Variants in DPYD observed in about 807,000 individuals in gnomAD.
DPYD encodes dihydropyrimidine dehydrogenase [NADP(+)].
Under a neutral mutation model 116.2 loss-of-function variants are expected in DPYD, and 109 were observed. That is an observed-to-expected ratio of 0.94 (90% CI 0.80 to 1.10). The LOEUF (loss-of-function observed/expected upper bound fraction) is 1.10. Ranked by LOEUF, DPYD falls within the 50% of genes least tolerant of loss-of-function variation. The pLI is 0.00. For missense variants in DPYD, 1,302 were observed against 1,254.5 expected (o/e 1.04, Z -0.57); for synonymous variants, 440 against 432.0 (o/e 1.02, Z -0.23).
rs780469489 is a variant in DPYD, at chr1:97,573,788, G to A, written c.1311C>T (p.Ala437=). 3.1e-6 allele frequency: 5 copies of A among 1,613,406 alleles called. No individual in the cohort carries two copies. The highest frequency in any genetic ancestry group is 2.7e-5 in the African/African-American group (2 of 74,866). The change falls in exon 11 of 23, where the codon GCC becomes GCT. Residue 437 remains alanine (A), a synonymous_variant. Transcript: ENST00000370192. ...VHLKADVVIS[A]FGSVLSDPKV... is the part of the protein sequence containing the mutation. ...TAGGATCACTCAGAACTGAACCAAA[G>A]GCACTGATGACCACATCGGCTTTCA...
intron 2 of DPYD, among the ~76,000 whole-genome samples, chr1:97,836,433 G>A (rs1669775914): frequency 6.6e-6 from 1 of 152,028 alleles, no homozygotes; most frequent in Non-Finnish European, 1.5e-5. Context: ...CTATTTAGAT[G>A]GTATGGCTGT....
intron 3 of DPYD, among the ~76,000 whole-genome samples, chr1:97,764,309 T>C (rs907820610): frequency 6.6e-6 from 1 of 152,066 alleles, no homozygotes; most frequent in African/African-American, 2.4e-5. Context: ...AAATATAGTA[T>C]AAGGTAAAAT....
intron 2 of DPYD, among the ~76,000 whole-genome samples, chr1:97,828,967 T>C (rs978962289): frequency 2.4e-4 from 37 of 152,012 alleles, no homozygotes; most frequent in Middle Eastern, 3.4e-3. Context: ...ATTCTAAATA[T>C]AATTATACGT....
rs375326998 is a variant in DPYD, at chr1:97,675,455, T to C, written c.850+3640A>G. Among the ~76,000 whole-genome samples the C allele has an allele frequency of 4.6e-5, 7 of 152,294 alleles. No homozygotes were observed. The East Asian group carries it at 1.2e-3, about 25-fold the overall frequency. ...TCATGGTTCAAGAGACATAAGTCTT[T>C]AGAAGTAACAATGATGTACATTCAA... On this transcript the variant is annotated intron_variant, in intron 8 of 22. Transcript: ENST00000370192.
chr1:97,920,757 A>T, intron 1 of DPYD, 127 bp downstream of exon 1: 1 of 1,343,690 alleles, frequency 7.4e-7, no homozygotes. Context: ...CAGAGCTCCC[A>T]CGGGGGAAAC....
At chr1:97,785,681 CTTTTTTTTTTTTTTTTT>C (rs35229030) in intron 3 of DPYD, among the ~76,000 whole-genome samples, 3 of 62,548 alleles carry the variant, frequency 4.8e-5, no homozygotes, top group Admixed American at 1.7e-4. Flanking sequence ...GCCACTGACT[CTTTTTTTTTTTTTTTTT>C]TTTTTTTTTT....
chr1:97,275,683 T>A (rs1448347961), intron 18 of DPYD, among the ~76,000 whole-genome samples: 1 of 152,170 alleles, frequency 6.6e-6, no homozygotes, highest in Non-Finnish European at 1.5e-5. Flanking sequence ...AGATTTAGAT[T>A]CTAGAAGAGG....
chr1:97,575,849 G>C (rs892635760), intron 10 of DPYD, among the ~76,000 whole-genome samples: 4 of 152,114 alleles, frequency 2.6e-5, no homozygotes, highest in African/African-American at 9.7e-5. Flanking sequence ...AATGTAAAAT[G>C]CCTAAAGCAG....
At chr1:97,673,328 T>C (rs552203736) in intron 8 of DPYD, among the ~76,000 whole-genome samples, 1 of 152,274 alleles carries the variant, frequency 6.6e-6, no homozygotes, top group East Asian at 1.9e-4. Flanking sequence ...CCACTGCTAA[T>C]ATCACTATTC....
At chr1:97,854,336 C>A (rs1040864888) in intron 2 of DPYD, among the ~76,000 whole-genome samples, 2 of 152,100 alleles carry the variant, frequency 1.3e-5, no homozygotes, top group Admixed American at 1.3e-4. Flanking sequence ...ACATCAATTT[C>A]CAAAAGTTTA....
At chr1:97,276,495 G>A (rs1225674341) in intron 18 of DPYD, among the ~76,000 whole-genome samples, 1 of 151,928 alleles carries the variant, frequency 6.6e-6, no homozygotes, top group Non-Finnish European at 1.5e-5. Context: ...GCTGGCAAAA[G>A]ACATGAACAG....
rs980179925 is a variant in DPYD, at chr1:97,504,851, G to C, written c.1740+10875C>G. On this transcript the variant is annotated intron_variant, in intron 13 of 22. Coordinates refer to ENST00000370192, the MANE Select transcript of DPYD (RefSeq NM_000110.4). ...TCCCTTTGCAGGGCCTGGTGGTCAC[G>C]AGATCTGATCTCCAAAGGCTTCCAT... 2.7e-5 allele frequency among the ~76,000 whole-genome samples: 4 copies of C among 145,894 alleles called. No individual in the cohort carries two copies. The South Asian group carries it at 9.4e-4, about 34-fold the overall frequency.
intron 13 of DPYD, among the ~76,000 whole-genome samples, chr1:97,452,677 T>C (rs973797401): frequency 2.0e-5 from 3 of 152,112 alleles, no homozygotes; most frequent in Non-Finnish European, 4.4e-5. Context: ...ACTGTCCTCA[T>C]GATAATGAGT....
At chr1:97,637,242 T>G (rs1657620813) in intron 8 of DPYD, among the ~76,000 whole-genome samples, 1 of 151,994 alleles carries the variant, frequency 6.6e-6, no homozygotes, top group Non-Finnish European at 1.5e-5. Flanking sequence ...ACAAACTTTA[T>G]CTCCCATTTG....
intron 18 of DPYD, among the ~76,000 whole-genome samples, chr1:97,244,510 A>C (rs560328782): frequency 4.3e-4 from 66 of 152,132 alleles, no homozygotes; most frequent in Admixed American, 4.3e-3. Context: ...AAACACAGCT[A>C]AAAGAAAAAG....
intron 2 of DPYD, among the ~76,000 whole-genome samples, chr1:97,869,672 C>T (rs534598166): frequency 1.3e-5 from 2 of 151,868 alleles, no homozygotes; most frequent in East Asian, 3.9e-4. Flanking sequence ...TTTGCACAAA[C>T]AAACCTTGCT....
intron 3 of DPYD, among the ~76,000 whole-genome samples, chr1:97,818,554 C>T (rs1483181578): frequency 6.6e-6 from 1 of 151,922 alleles, no homozygotes; most frequent in Admixed American, 6.6e-5. Context: ...GCATTGTTGC[C>T]GACCATATGG....
chr1:97,539,811 G>C (rs879069647), intron 12 of DPYD, among the ~76,000 whole-genome samples: 1 of 152,092 alleles, frequency 6.6e-6, no homozygotes, highest in Admixed American at 6.6e-5. Flanking sequence ...TTATAATTTA[G>C]AATAATTTAG....
intron 12 of DPYD, among the ~76,000 whole-genome samples, chr1:97,533,207 A>G (rs1453810881): frequency 2.0e-5 from 3 of 152,046 alleles, no homozygotes; most frequent in Admixed American, 1.3e-4. Context: ...GTGGAGACAC[A>G]GATCTAAACC....
Sources: allele counts gnomAD v4.1 joint callset (sites outside exome capture counted in the v4.1 genomes callset), GRCh38; gene constraint gnomAD v4.1.1; transcripts MANE v1.5; gene names NCBI Gene and HGNC (gene_info 2026-07-23, HGNC 2026-07-21).